The following OSBPL11 variants were observed in gnomAD, a reference collection of about 807,000 sequenced individuals.
OSBPL11 encodes the protein oxysterol binding protein like 11, also known as oxysterol-binding protein-related protein 11.
A neutral mutation model predicts 84.4 loss-of-function variants in OSBPL11; 33 were observed. That is an observed-to-expected ratio of 0.39 (90% confidence interval 0.30 to 0.52). The LOEUF is 0.52. Ranked by LOEUF, OSBPL11 falls within the 20% of genes least tolerant of loss-of-function variation. The pLI is 0.72. For synonymous variants in OSBPL11, 276 were observed against 310.2 expected, an observed-to-expected ratio of 0.89 and a Z score of 1.16; for missense variants, 736 against 901.1, an observed-to-expected ratio of 0.82 and a Z score of 2.35.
chr3:125,550,531 A>G (rs1935888730), intron 9 of OSBPL11, among the ~76,000 whole-genome samples: 1 of 152,220 alleles, frequency 6.6e-6, no homozygotes, highest in African/African-American at 2.4e-5. Flanking sequence ...AAACTGAAAA[A>G]GAGGATACTT....
At chr3:125,572,432 G>C (rs570101416) in intron 5 of OSBPL11, among the ~76,000 whole-genome samples, 4 of 152,118 alleles carry the variant, frequency 2.6e-5, no homozygotes, top group Non-Finnish European at 5.9e-5. Flanking sequence ...AGATTTGGGA[G>C]GGGCCAGAGG....
chr3:125,538,426 C>T (rs1387585541), intron 11 of OSBPL11, 25 bp downstream of exon 11: 2 of 1,603,582 alleles, frequency 1.2e-6, no homozygotes, highest in South Asian at 1.1e-5. Flanking sequence ...TGACTCTTTC[C>T]TGGATAGATG....
intron 12 of OSBPL11, 74 bp from the exon 13 acceptor site, chr3:125,530,654 C>T: frequency 8.7e-7 from 1 of 1,152,230 alleles, no homozygotes; most frequent in South Asian, 1.3e-5. Flanking sequence ...AGAAGCAACA[C>T]CTTCACTGAA....
intron 10 of OSBPL11, among the ~76,000 whole-genome samples, chr3:125,542,440 A>G (rs1357998908): frequency 2.0e-5 from 3 of 151,386 alleles, no homozygotes; most frequent in African/African-American, 7.3e-5. Context: ...GGTTCAAGCG[A>G]TACTCCTGCC....
chr3:125,570,228 A>G (rs1339517522), intron 5 of OSBPL11, among the ~76,000 whole-genome samples: 1 of 151,810 alleles, frequency 6.6e-6, no homozygotes, highest in Non-Finnish European at 1.5e-5. Flanking sequence ...AATAAAATTA[A>G]AAAAAATATA....
chr3:125,583,041 T>C, intron 1 of OSBPL11, 63 bp from the exon 2 acceptor site: 1 of 1,225,984 alleles, frequency 8.2e-7, no homozygotes, highest in Non-Finnish European at 1.2e-6. Flanking sequence ...AGGATAATGG[T>C]ACAATTTTCA....
At chr3:125,533,786 A>G (rs1299701506) in intron 11 of OSBPL11, among the ~76,000 whole-genome samples, 1 of 152,222 alleles carries the variant, frequency 6.6e-6, no homozygotes, top group Admixed American at 6.5e-5. Flanking sequence ...CAGAACTACA[A>G]AGTGAAATAT....
chr3:125,580,655 G>A (rs962681340), intron 2 of OSBPL11, among the ~76,000 whole-genome samples: 2 of 151,814 alleles, frequency 1.3e-5, no homozygotes, highest in African/African-American at 4.8e-5. Flanking sequence ...TCCTTTCAGA[G>A]ACAGATTTTT....
rs190279450 is a variant in OSBPL11 at position 125,594,216 on chromosome 3, G to C, written c.164+421C>G. Reference sequence around the variant, plus strand: ...GGCAAGAATCTTTTCTGATTCTGGAGAAGCTCTGGACAAGTAAGTTTTGAG... The same window carrying C: ...GGCAAGAATCTTTTCTGATTCTGGACAAGCTCTGGACAAGTAAGTTTTGAG... On this transcript the variant is annotated intron_variant, in intron 1 of 12. Transcript: ENST00000296220. Among the ~76,000 whole-genome samples the C allele has an allele frequency of 1.6e-3, 237 of 152,292 alleles. 2 individuals are homozygous for C. Among genetic ancestry groups the C allele is most frequent in the African/African-American group, 5.0e-3 (208 of 41,558 alleles).
At chr3:125,543,874 T>C (rs1408507596) in intron 10 of OSBPL11, among the ~76,000 whole-genome samples, 1 of 152,054 alleles carries the variant, frequency 6.6e-6, no homozygotes, top group Non-Finnish European at 1.5e-5. Context: ...CACTCCAGCC[T>C]GGGCGACAGA....
At chr3:125,555,505 C>T (rs1935980019) in intron 8 of OSBPL11, among the ~76,000 whole-genome samples, 1 of 151,858 alleles carries the variant, frequency 6.6e-6, no homozygotes, top group Non-Finnish European at 1.5e-5. Flanking sequence ...CTGAAAAGGC[C>T]CACCAAGTGC....
chr3:125,567,668 A>G (rs1580054124), intron 5 of OSBPL11, 73 bp from the exon 6 acceptor site: 1 of 1,267,620 alleles, frequency 7.9e-7, no homozygotes, highest in African/African-American at 1.5e-5. Context: ...TTGCCATTTT[A>G]ATTACCAGAT....
chr3:125,583,045 AT>A lies in OSBPL11; in HGVS notation c.165-68del, dbSNP rs1936451578. 7 of 1,144,348 alleles carry A rather than the reference AT, an allele frequency of 6.1e-6. No individual in the cohort carries two copies. The East Asian group carries it at 1.7e-4, about 29-fold the overall frequency. 70.9% of individuals were successfully genotyped at this position (1,144,348 alleles called of 1,614,324 possible). ...GAAATCCCAGGAGGATAATGGTACA[AT>A]TTTCAAAATAGCTGCAGATACATAT... On this transcript the variant is annotated intron_variant, in intron 1 of 12. Coordinates refer to ENST00000296220, the MANE Select transcript of OSBPL11 (RefSeq NM_022776.5).
chr3:125,555,646 T>C (rs1170318988), intron 8 of OSBPL11, among the ~76,000 whole-genome samples: 1 of 151,804 alleles, frequency 6.6e-6, no homozygotes, highest in African/African-American at 2.4e-5. Flanking sequence ...GGAATCAGAA[T>C]GACTTCAGTC....
At chr3:125,550,322 C>A (rs934304213) in intron 9 of OSBPL11, among the ~76,000 whole-genome samples, 7 of 149,830 alleles carry the variant, frequency 4.7e-5, no homozygotes, top group African/African-American at 1.7e-4. Flanking sequence ...TTGCAGTGAG[C>A]CAAGATGGCC....
chr3:125,586,193 T>G (rs1559848676), intron 1 of OSBPL11, among the ~76,000 whole-genome samples: 1 of 152,218 alleles, frequency 6.6e-6, no homozygotes, highest in Non-Finnish European at 1.5e-5. Context: ...CTGATTATAT[T>G]ATACTATTTT....
chr3:125,561,874 T>G (rs1353589917), intron 7 of OSBPL11, among the ~76,000 whole-genome samples: 1 of 152,224 alleles, frequency 6.6e-6, no homozygotes, highest in Non-Finnish European at 1.5e-5. Flanking sequence ...TACAAGGTAG[T>G]ATATTATCCC....
In OSBPL11 at chr3:125,530,429, G is replaced by C. The variant is rs1935539748; in HGVS notation, c.*86C>G. ...TTTCAGTCTGCGCAATCAGGAAGCA[G>C]GTCACTCAGTGCAATGACTCCATTC... On this transcript the variant is annotated 3_prime_UTR_variant, in exon 13 of 13. Transcript: ENST00000296220. The C allele has an allele frequency of 2.5e-6, 3 of 1,220,558 alleles. No homozygotes were observed. The highest frequency in any genetic ancestry group is 1.5e-5 in the African/African-American group (1 of 67,650). The allele number at this position is 1,220,558 out of a possible 1,614,324, so 75.6% of individuals were successfully genotyped here.
At position 125,530,412 on chromosome 3, in the gene OSBPL11, T is replaced by G; in HGVS notation, c.*103A>C. ...CATTCAGGTTTAGCTAGTTTCAGTC[T>G]GCGCAATCAGGAAGCAGGTCACTCA... On this transcript the variant is annotated 3_prime_UTR_variant, in exon 13 of 13. Transcript: ENST00000296220. 1 of 1,049,064 alleles carries G rather than the reference T, an allele frequency of 9.5e-7. No homozygotes were observed. The highest frequency in any genetic ancestry group is 2.4e-5 in the East Asian group (1 of 41,600). 65.0% of individuals were successfully genotyped at this position (1,049,064 alleles called of 1,614,324 possible). A position where few individuals can be genotyped will look rare whatever the true frequency, so the allele number is the denominator to read the frequency against.
Sources: gnomAD v4.1 joint callset for allele counts (sites outside exome capture counted in the v4.1 genomes callset) on GRCh38, gnomAD v4.1.1 for gene constraint, MANE v1.5 for transcripts, NCBI Gene and HGNC (gene_info 2026-07-23, HGNC 2026-07-21) for gene names.